RHOJ: variants seen among roughly 807,000 people sequenced by gnomAD.
The protein encoded by RHOJ is ras homolog family member J, also known as rho-related GTP-binding protein RhoJ.
A neutral mutation model predicts 23.4 loss-of-function variants in RHOJ; 11 were observed. The ratio of observed to expected loss-of-function variants is 0.47; its 90% CI spans 0.30 to 0.78. RHOJ has a LOEUF of 0.78. RHOJ is among the 30% of genes least tolerant of loss of function. The pLI is 0.08. For missense variants in RHOJ, 254 were observed against 273.4 expected (o/e 0.93, Z 0.50); for synonymous variants, 102 against 102.7 (o/e 0.99, Z 0.04).
At chr14:63,241,048 A>G (rs1894874231) in intron 1 of RHOJ, among the ~76,000 whole-genome samples, 1 of 152,236 alleles carries the variant, frequency 6.6e-6, no homozygotes, top group African/African-American at 2.4e-5. Flanking sequence ...AACATAATAT[A>G]TAAATACCAG....
intron 1 of RHOJ, among the ~76,000 whole-genome samples, chr14:63,230,867 G>T (rs1894681484): frequency 1.2e-5 from 1 of 86,190 alleles, no homozygotes; most frequent in South Asian, 2.7e-4. Flanking sequence ...TTTAGATGGA[G>T]TCTCACTCTG....
At chr14:63,282,286 GCACACA>G (rs36227581) in intron 3 of RHOJ, among the ~76,000 whole-genome samples, 11,805 of 133,214 alleles carry the variant, frequency 0.089, 513 homozygotes, top group East Asian at 0.17. Context: ...ACAAACACAT[GCACACA>G]CACACACACA....
chr14:63,286,963 A>G (rs1270176673), intron 4 of RHOJ, among the ~76,000 whole-genome samples: 1 of 151,814 alleles, frequency 6.6e-6, no homozygotes, highest in East Asian at 1.9e-4. Flanking sequence ...TTGGCTCTCT[A>G]TTTGCCTTCT....
At chr14:63,228,162 G>A (rs1196881998) in intron 1 of RHOJ, among the ~76,000 whole-genome samples, 1 of 152,118 alleles carries the variant, frequency 6.6e-6, no homozygotes, top group African/African-American at 2.4e-5. Context: ...TACAAGGTTT[G>A]ATATGTTTCT....
chr14:63,274,978 C>T (rs997439254), intron 2 of RHOJ, among the ~76,000 whole-genome samples: 10 of 152,106 alleles, frequency 6.6e-5, no homozygotes, highest in African/African-American at 2.2e-4. Context: ...GTGGGTATGG[C>T]GGGGTGGGAG....
chr14:63,279,515 T>G (rs1881836374), intron 2 of RHOJ, among the ~76,000 whole-genome samples: 1 of 152,230 alleles, frequency 6.6e-6, no homozygotes, highest in Non-Finnish European at 1.5e-5. Context: ...TGGAACCTCC[T>G]AAAACATTTT....
chr14:63,275,990 A>G (rs1057150294), intron 2 of RHOJ, among the ~76,000 whole-genome samples: 1 of 152,172 alleles, frequency 6.6e-6, no homozygotes, highest in South Asian at 2.1e-4. Context: ...TTAGCTCCCA[A>G]TAGCCCAGGT....
At position 63,281,007 on chromosome 14, in the gene RHOJ, A is replaced by C. The variant is rs1463807901; in HGVS notation, c.274A>C (p.Asn92His). The change falls in exon 3 of 5, where the codon AAC becomes CAC. Residue 92 changes from asparagine to histidine, a missense_variant. Physicochemically the swap from Asn to His is moderately conservative, Grantham distance 68 (BLOSUM62 1). Transcript: ENST00000316754. ...YNQLRPLSYP[N>H]TDVFLICFSV... The stretch of plus-strand genomic sequence containing the variant: ...CCAGCTGAGGCCACTCTCCTACCCC[A>C]ACACGGATGTGTTTTTGATCTGCTT... 6.2e-7 allele frequency: 1 copy of C among 1,613,888 alleles called. No homozygotes were observed. The highest frequency in any genetic ancestry group is 2.2e-5 in the East Asian group (1 of 44,876).
chr14:63,254,457 G>A (rs981278147), intron 1 of RHOJ, among the ~76,000 whole-genome samples: 1 of 152,106 alleles, frequency 6.6e-6, no homozygotes, highest in Middle Eastern at 3.2e-3. Flanking sequence ...GGGCATTTAA[G>A]CCATCCATTC....
At chr14:63,248,742 T>C (rs191163481) in intron 1 of RHOJ, among the ~76,000 whole-genome samples, 1 of 152,344 alleles carries the variant, frequency 6.6e-6, no homozygotes, top group East Asian at 1.9e-4. Context: ...GTTACAGGGT[T>C]AGTCCTAGCT....
At position 63,291,052 on chromosome 14, in the gene RHOJ, T is replaced by C; in HGVS notation, c.*28T>C. On this transcript the variant is annotated 3_prime_UTR_variant, in exon 5 of 5. Transcript: ENST00000316754. ...TTGTCTGGGACCTGCCTCCACCCCA[T>C]CCAGGGATGAGAATGGCAGCCAATC... The C allele has an allele frequency of 6.2e-7, 1 of 1,613,028 alleles. No homozygotes were observed. The highest frequency in any genetic ancestry group is 1.3e-5 in the African/African-American group (1 of 75,016).
chr14:63,289,177 A>G (rs1484028092), intron 4 of RHOJ, among the ~76,000 whole-genome samples: 1 of 152,226 alleles, frequency 6.6e-6, no homozygotes, highest in Non-Finnish European at 1.5e-5. Context: ...TGCTTGGCCC[A>G]TGGTAAATAG....
At chr14:63,261,147 CTTTAA>C (rs1421430778) in intron 1 of RHOJ, among the ~76,000 whole-genome samples, 3 of 152,156 alleles carry the variant, frequency 2.0e-5, no homozygotes, top group Admixed American at 6.6e-5. Context: ...TTGTATCTCT[CTTTAA>C]TTTAAATTGT....
intron 1 of RHOJ, among the ~76,000 whole-genome samples, chr14:63,255,211 C>T (rs988890783): frequency 5.3e-5 from 8 of 152,298 alleles, no homozygotes; most frequent in Middle Eastern, 3.4e-3. Flanking sequence ...ACAGCAGGTC[C>T]CTGCAGCTCT....
intron 1 of RHOJ, among the ~76,000 whole-genome samples, chr14:63,268,207 C>G (rs1046001456): frequency 1.3e-5 from 2 of 152,110 alleles, no homozygotes; most frequent in Non-Finnish European, 1.5e-5. Flanking sequence ...TTCCAAAAAG[C>G]GATTCAATTT....
chr14:63,257,054 A>G (rs554342304), intron 1 of RHOJ, among the ~76,000 whole-genome samples: 3 of 149,022 alleles, frequency 2.0e-5, no homozygotes, highest in East Asian at 2.1e-4. Flanking sequence ...CCTGGGTGAT[A>G]GAGCGTGACT....
At chr14:63,234,902 G>T (rs1449152384) in intron 1 of RHOJ, among the ~76,000 whole-genome samples, 1 of 152,108 alleles carries the variant, frequency 6.6e-6, no homozygotes, top group African/African-American at 2.4e-5. Context: ...ATCCACTGAG[G>T]CATGGTGCCC....
At chr14:63,280,833 G>T in intron 2 of RHOJ, 138 bp from the exon 3 acceptor site, 1 of 715,652 alleles carries the variant, frequency 1.4e-6, no homozygotes. Flanking sequence ...AGTAGAGAAA[G>T]AACTACCAGA....
At chr14:63,223,024 T>C (rs1894527134) in intron 1 of RHOJ, among the ~76,000 whole-genome samples, 1 of 152,186 alleles carries the variant, frequency 6.6e-6, no homozygotes, top group Non-Finnish European at 1.5e-5. Context: ...TCACCTATCA[T>C]TGATGAATGA....
Sources: gnomAD v4.1 joint callset for allele counts (sites outside exome capture counted in the v4.1 genomes callset) on GRCh38, gnomAD v4.1.1 for gene constraint, MANE v1.5 for transcripts, NCBI Gene and HGNC (gene_info 2026-07-23, HGNC 2026-07-21) for gene names.